Variants in BANP observed in about 807,000 individuals in gnomAD.
The protein encoded by BANP is BTG3 associated nuclear protein.
Under a neutral mutation model 68.1 loss-of-function variants are expected in BANP, and 11 were observed. The ratio of observed to expected loss-of-function variants is 0.16; its 90% CI spans 0.10 to 0.27. The LOEUF (loss-of-function observed/expected upper bound fraction) is 0.27, where lower values mean the gene tolerates loss of function less well. Ranked by LOEUF, BANP falls within the 10% of genes least tolerant of loss-of-function variation. BANP has a pLI of 1.00. For synonymous variants in BANP, 329 were observed against 303.2 expected (o/e 1.09, Z -0.88); for missense variants, 504 against 722.7 (o/e 0.70, Z 3.47).
rs1282573619 is a variant in BANP, at chr16:88,057,728, G to A, written c.1312-7539G>A. Among the ~76,000 whole-genome samples the A allele has an allele frequency of 1.4e-5, 2 of 140,668 alleles. No individual in the cohort carries two copies. Among genetic ancestry groups the A allele is most frequent in the Non-Finnish European group, 1.6e-5 (1 of 63,800 alleles). 92.3% of individuals were successfully genotyped at this position (140,668 alleles called of 152,430 possible). A position where few individuals can be genotyped will look rare whatever the true frequency, so the allele number is the denominator to read the frequency against. ...ACAGTCTGACTTCTGACAAGTAAGAGAGATGGCGGGGCCATCTGGGTGGGG... is the reference window on the plus strand; with the variant it reads ...ACAGTCTGACTTCTGACAAGTAAGAAAGATGGCGGGGCCATCTGGGTGGGG... On this transcript the variant is annotated intron_variant, in intron 11 of 13. Coordinates refer to ENST00000682872, the MANE Select transcript of BANP (RefSeq NM_001386991.1). This position sits in a 1 kb window ranked among gnomAD's most constrained non-coding sequence, Gnocchi z 4.6.
At chr16:87,993,576 G>A (rs2066429321) in intron 4 of BANP, among the ~76,000 whole-genome samples, 1 of 151,308 alleles carries the variant, frequency 6.6e-6, no homozygotes. Context: ...CATTGTAGGT[G>A]TTTCATCATT....
chr16:88,069,751 C>T (rs1468422431), intron 12 of BANP, among the ~76,000 whole-genome samples: 1 of 152,220 alleles, frequency 6.6e-6, no homozygotes, highest in East Asian at 1.9e-4. Context: ...TCCTTCTGTC[C>T]GTCACCAAAA....
At chr16:88,072,282 CGTG>C in intron 13 of BANP, 70 bp downstream of exon 13, 1 of 1,523,390 alleles carries the variant, frequency 6.6e-7, no homozygotes, top group East Asian at 2.3e-5. Flanking sequence ...ACCGGGCACA[CGTG>C]GCCCCGGGGC....
At chr16:88,058,994 G>T (rs72818560) in intron 11 of BANP, among the ~76,000 whole-genome samples, 13,838 of 150,336 alleles carry the variant, frequency 0.092, 1,291 homozygotes, top group African/African-American at 0.23. Context: ...TCCTCCAGTG[G>T]TGTCCCTCAC....
chr16:88,055,204 T>C (rs1489238457), intron 11 of BANP, among the ~76,000 whole-genome samples: 1 of 152,080 alleles, frequency 6.6e-6, no homozygotes, highest in African/African-American at 2.4e-5. Flanking sequence ...GGCTAAACAA[T>C]GTGAAATCAC....
chr16:87,965,557 A>T (rs985395639), intron 1 of BANP, among the ~76,000 whole-genome samples: 3 of 145,330 alleles, frequency 2.1e-5, no homozygotes, highest in Non-Finnish European at 1.5e-5. Context: ...AGGATCACCC[A>T]CTAAGCCCGA....
At chr16:87,970,513 C>T (rs8052540) in intron 1 of BANP, among the ~76,000 whole-genome samples, 102,928 of 152,116 alleles carry the variant, frequency 0.68, 35,649 homozygotes, top group African/African-American at 0.8. Flanking sequence ...TTTTCAGTGA[C>T]GTGATTTGTA....
intron 11 of BANP, among the ~76,000 whole-genome samples, chr16:88,063,670 G>A (rs1056871837): frequency 1.3e-5 from 2 of 152,208 alleles, no homozygotes; most frequent in African/African-American, 4.8e-5. Flanking sequence ...CCGTGTTGCT[G>A]ATCTCCAAGA....
chr16:88,047,052 C>T (rs913916431), intron 11 of BANP, among the ~76,000 whole-genome samples: 6 of 149,034 alleles, frequency 4.0e-5, no homozygotes, highest in Non-Finnish European at 7.4e-5. Flanking sequence ...GGCGACATAG[C>T]GAGACTCCGT....
intron 11 of BANP, among the ~76,000 whole-genome samples, chr16:88,044,109 C>CTA (rs1290293031): frequency 6.6e-6 from 1 of 152,208 alleles, no homozygotes; most frequent in Admixed American, 6.5e-5. Context: ...CCGTGGGTAC[C>CTA]CTGAGCCAGT....
At chr16:88,038,946 C>T (rs2080087552) in intron 11 of BANP, among the ~76,000 whole-genome samples, 1 of 152,192 alleles carries the variant, frequency 6.6e-6, no homozygotes, top group Non-Finnish European at 1.5e-5. Flanking sequence ...GTGCACTGTC[C>T]TTCGAGAAAC....
At chr16:87,990,897 G>A (rs2152495403) in intron 4 of BANP, among the ~76,000 whole-genome samples, 1 of 152,254 alleles carries the variant, frequency 6.6e-6, no homozygotes, top group Non-Finnish European at 1.5e-5. Context: ...CCACTAGCTG[G>A]GACTACAGGC....
intron 5 of BANP, among the ~76,000 whole-genome samples, chr16:88,005,597 T>G (rs1013708235): frequency 2.0e-5 from 3 of 152,020 alleles, no homozygotes; most frequent in Admixed American, 6.6e-5. Context: ...TCTCAGTGGG[T>G]TTTTTAAGCC....
chr16:87,976,027 G>A (rs2062055451), intron 2 of BANP, among the ~76,000 whole-genome samples: 1 of 152,098 alleles, frequency 6.6e-6, no homozygotes, highest in South Asian at 2.1e-4. Flanking sequence ...GTGTGTGTAA[G>A]TCTGCTCTGT....
chr16:87,975,761 G>C (rs887338801), intron 2 of BANP, among the ~76,000 whole-genome samples: 1 of 149,170 alleles, frequency 6.7e-6, no homozygotes, highest in Non-Finnish European at 1.5e-5. Flanking sequence ...TCCCCTGTGC[G>C]TGGTGTCATG....
intron 6 of BANP, among the ~76,000 whole-genome samples, chr16:88,015,471 T>C (rs1404338022): frequency 1.3e-5 from 2 of 152,262 alleles, no homozygotes; most frequent in Non-Finnish European, 2.9e-5. Flanking sequence ...CTATGTTCCC[T>C]GCTCTGGCCA....
At chr16:88,054,258 C>T (rs1479387030) in intron 11 of BANP, among the ~76,000 whole-genome samples, 4 of 63,280 alleles carry the variant, frequency 6.3e-5, no homozygotes, top group East Asian at 5.8e-4. Context: ...CAGTCACCTT[C>T]ACCACCACCA....
At chr16:87,960,790 TA>T (rs1382889110) in intron 1 of BANP, among the ~76,000 whole-genome samples, 1 of 152,208 alleles carries the variant, frequency 6.6e-6, no homozygotes, top group Non-Finnish European at 1.5e-5. Flanking sequence ...TGGAACACTA[TA>T]AAAAAATAAT....
intron 1 of BANP, among the ~76,000 whole-genome samples, chr16:87,968,505 T>C (rs1380857654): frequency 7.6e-6 from 1 of 132,068 alleles, no homozygotes; most frequent in Non-Finnish European, 1.6e-5. Context: ...AAAATAAGTT[T>C]AGTTTATCCC....
Sources: gnomAD v4.1 joint callset for allele counts (sites outside exome capture counted in the v4.1 genomes callset) on GRCh38, gnomAD v4.1.1 for gene constraint, Gnocchi (gnomAD v3.1) non-coding constraint, MANE v1.5 for transcripts, NCBI Gene and HGNC (gene_info 2026-07-23, HGNC 2026-07-21) for gene names.